MYPN: variants seen among roughly 807,000 people sequenced by gnomAD.
MYPN encodes the protein sarcomeric protein myopalladin, 145 kDa (MYOP).
A neutral mutation model predicts 129.4 loss-of-function variants in MYPN; 63 were observed. The ratio of observed to expected loss-of-function variants is 0.49; its 90% CI spans 0.40 to 0.60. The LOEUF is 0.60. MYPN is among the 20% of genes least tolerant of loss of function. The pLI, the probability that MYPN is intolerant of heterozygous loss-of-function variation, is 0.00. For synonymous variants in MYPN, 629 were observed against 600.9 expected, an observed-to-expected ratio of 1.05 and a Z score of -0.68; for missense variants, 1,596 against 1,635.4, an observed-to-expected ratio of 0.98 and a Z score of 0.42.
In MYPN at chr10:68,174,234, A is replaced by G; in HGVS notation, c.2142A>G (p.Ser714=). The G allele has an allele frequency of 6.2e-7, 1 of 1,614,174 alleles. No individual in the cohort carries two copies. The highest frequency in any genetic ancestry group is 8.5e-7 in the Non-Finnish European group (1 of 1,180,028). Residue 714 remains serine (S), a synonymous_variant, in exon 11 of 20, where the codon TCA becomes TCG. Transcript: ENST00000358913. ...TTSSKQVKAP[S]SQTFSLARPK... The stretch of plus-strand genomic sequence containing the variant: ...CCAGTAAGCAGGTGAAGGCTCCTTC[A>G]TCACAGACGTTCAGCTTGGCCCGGC...
intron 2 of MYPN, among the ~76,000 whole-genome samples, chr10:68,130,036 A>G (rs1255085543): frequency 6.6e-6 from 1 of 152,152 alleles, no homozygotes; most frequent in Non-Finnish European, 1.5e-5. Context: ...CGCAGTTACA[A>G]ATGAGGTTGA....
intron 2 of MYPN, chr10:68,136,251 T>C (rs1292745122): frequency 1.0e-6 from 1 of 987,184 alleles, no homozygotes; most frequent in Non-Finnish European, 1.2e-6. Context: ...CAAGCCATCC[T>C]TGTGCGTGAA....
At chr10:68,088,204 C>T (rs1454184610) in intron 1 of MYPN, among the ~76,000 whole-genome samples, 1 of 151,980 alleles carries the variant, frequency 6.6e-6, no homozygotes, top group African/African-American at 2.4e-5. Context: ...AATTGGGGCT[C>T]TCTGGGGTAT....
At chr10:68,126,725 T>C (rs2042331467) in intron 2 of MYPN, among the ~76,000 whole-genome samples, 1 of 152,142 alleles carries the variant, frequency 6.6e-6, no homozygotes. Flanking sequence ...GTCTCCAGCA[T>C]GGACTGAGAT....
At chr10:68,092,213 G>A (rs577733685) in intron 1 of MYPN, among the ~76,000 whole-genome samples, 2 of 152,180 alleles carry the variant, frequency 1.3e-5, no homozygotes, top group East Asian at 1.9e-4. Context: ...GTTGTTGGCC[G>A]GGTGCAGTGG....
intron 13 of MYPN, among the ~76,000 whole-genome samples, chr10:68,189,389 A>G (rs1219802236): frequency 6.6e-6 from 1 of 152,148 alleles, no homozygotes. Context: ...TTTCTCTTCT[A>G]GCTATTTTGA....
Position 68,174,399 on chromosome 10 carries a change from T to C in MYPN, c.2307T>C (p.Ser769=), listed in dbSNP as rs1361653861. The C allele has an allele frequency of 1.2e-6, 2 of 1,614,080 alleles. No homozygotes were observed. Among genetic ancestry groups the C allele is most frequent in the African/African-American group, 2.7e-5 (2 of 74,918 alleles). ...AAAGCCTCTTAGTGTCTCACCCCTCTGTGCAAACCAAATCTCCAGGAGGGC... is the reference window on the plus strand; with the variant it reads ...AAAGCCTCTTAGTGTCTCACCCCTCCGTGCAAACCAAATCTCCAGGAGGGC... ...SKESLLVSHP[S]VQTKSPGGLS... The change falls in exon 11 of 20, where the codon TCT becomes TCC. Residue 769 remains serine (S), a synonymous_variant. Transcript: ENST00000358913.
intron 8 of MYPN, chr10:68,165,378 G>A: frequency 2.3e-6 from 1 of 442,556 alleles, no homozygotes. Flanking sequence ...CTTGAACCTG[G>A]GAGGCGGAGG....
chr10:68,146,084 A>G (rs556439808), intron 4 of MYPN, among the ~76,000 whole-genome samples: 1 of 152,272 alleles, frequency 6.6e-6, no homozygotes, highest in South Asian at 2.1e-4. Context: ...ATTATCTATG[A>G]GAAAACAAAA....
intron 3 of MYPN, 65 bp downstream of exon 3, chr10:68,143,180 A>AT: frequency 6.7e-7 from 1 of 1,501,226 alleles, no homozygotes; most frequent in Non-Finnish European, 9.2e-7. Flanking sequence ...ATAAATAAAT[A>AT]TTTATTGAGG....
chr10:68,120,005 G>GT (rs1430163427), intron 1 of MYPN, among the ~76,000 whole-genome samples: 1 of 152,198 alleles, frequency 6.6e-6, no homozygotes, highest in Non-Finnish European at 1.5e-5. Context: ...ATCAACTGAA[G>GT]TAAGTTCTAT....
chr10:68,122,826 C>T (rs543087932), intron 2 of MYPN, among the ~76,000 whole-genome samples: 1 of 152,010 alleles, frequency 6.6e-6, no homozygotes, highest in East Asian at 1.9e-4. Flanking sequence ...CGCTTGAACC[C>T]GGGAGACGGA....
At position 68,122,279 on chromosome 10, in the gene MYPN, C is replaced by G; in HGVS notation, c.841C>G (p.Pro281Ala). 1 of 1,613,928 alleles carries G rather than the reference C, an allele frequency of 6.2e-7. No individual in the cohort carries two copies. Among genetic ancestry groups the G allele is most frequent in the South Asian group, 1.1e-5 (1 of 91,004 alleles). ...FTQKLRSREV[P>A]EGTRVQLDCI... is the part of the protein sequence containing the mutation. ...TCAAAAGTTACGGAGCAGAGAAGTT[C>G]CAGAAGGAACTCGAGTACAGTTGGA... Residue 281 changes from proline (P) to alanine (A), a missense_variant, in exon 2 of 20, where the codon CCA becomes GCA. Pro to Ala is a conservative substitution (Grantham distance 27, BLOSUM62 -1). Transcript: ENST00000358913.
chr10:68,210,108 T>G (rs975251905), intron 19 of MYPN, among the ~76,000 whole-genome samples, 178 bp from the exon 20 acceptor site: 4 of 152,214 alleles, frequency 2.6e-5, no homozygotes, highest in African/African-American at 9.6e-5. Context: ...TCCTTATTCC[T>G]GGCAGGGAAG....
In MYPN at chr10:68,211,618, A is replaced by G. The variant is rs1015250588; in HGVS notation, c.*1163A>G. 1 of 453,982 alleles carries G rather than the reference A, an allele frequency of 2.2e-6. No homozygotes were observed. Among genetic ancestry groups the G allele is most frequent in the Non-Finnish European group, 4.4e-6 (1 of 226,796 alleles). 28.1% of individuals were successfully genotyped at this position (453,982 alleles called of 1,614,324 possible). A position where few individuals can be genotyped will look rare whatever the true frequency, so the allele number is the denominator to read the frequency against. ...ACCCTGCCTCTTAAGGAATTTTTAG[A>G]CTTAAGTTCACTGTGATATCCCTAG... On this transcript the variant is annotated 3_prime_UTR_variant, in exon 20 of 20. Coordinates refer to ENST00000358913, the MANE Select transcript of MYPN (RefSeq NM_032578.4).
chr10:68,158,517 A>G lies in MYPN; in HGVS notation c.1349A>G (p.Gln450Arg). ...MLQNLSASEG[Q>R]LVVFECRVKG... ...CAAAATTTGTCAGCTTCTGAGGGTCAGCTGGTTGTCTTTGAATGCAGAGTA... is the reference window on the plus strand; with the variant it reads ...CAAAATTTGTCAGCTTCTGAGGGTCGGCTGGTTGTCTTTGAATGCAGAGTA... The change falls in exon 7 of 20, where the codon CAG (glutamine) becomes CGG (arginine). Residue 450 changes from glutamine to arginine, a missense_variant. Physicochemically the swap from Gln to Arg is conservative, Grantham distance 43. Transcript: ENST00000358913. The G allele has an allele frequency of 1.2e-6, 2 of 1,614,046 alleles. No individual in the cohort carries two copies. The highest frequency in any genetic ancestry group is 1.7e-6 in the Non-Finnish European group (2 of 1,179,924).
chr10:68,092,561 A>G lies in MYPN; in HGVS notation c.-2+4569A>G, dbSNP rs141477053. ...TGCTGTTACAAGCAGTTCTTGATGA[A>G]CATCCTTATAAATACAGGAATGCTA... On this transcript the variant is annotated intron_variant, in intron 1 of 6. Coordinates refer to the MYPN transcript ENST00000685154. Among the ~76,000 whole-genome samples, 17 of 152,234 alleles carry G rather than the reference A, an allele frequency of 1.1e-4. No homozygotes were observed. The East Asian group carries it at 3.1e-3, about 28-fold the overall frequency.
intron 8 of MYPN, among the ~76,000 whole-genome samples, chr10:68,163,961 A>G (rs1478140685): frequency 6.6e-6 from 1 of 152,210 alleles, no homozygotes; most frequent in East Asian, 1.9e-4. Context: ...TGACTGGCTT[A>G]GACCAGTCAT....
intron 13 of MYPN, among the ~76,000 whole-genome samples, chr10:68,193,804 C>A (rs1313824761): frequency 1.5e-5 from 1 of 68,644 alleles, no homozygotes. Flanking sequence ...TGTGCACACA[C>A]ACACACACAC....
Sources: gnomAD v4.1 joint callset for allele counts (sites outside exome capture counted in the v4.1 genomes callset) on GRCh38, gnomAD v4.1.1 for gene constraint, MANE v1.5 for transcripts, NCBI Gene and HGNC (gene_info 2026-07-23, HGNC 2026-07-21) for gene names.